Variants in RIMS2 observed in about 807,000 individuals in gnomAD.
RIMS2 encodes the protein regulating synaptic membrane exocytosis 2.
A neutral mutation model predicts 174.4 loss-of-function variants in RIMS2; 59 were observed. That is an observed-to-expected ratio of 0.34 (90% confidence interval 0.27 to 0.42). RIMS2 has a LOEUF of 0.42. Ranked by LOEUF, RIMS2 falls within the 10% of genes least tolerant of loss-of-function variation. The pLI is 1.00. For missense variants in RIMS2, 1,620 were observed against 1,666.3 expected, an observed-to-expected ratio of 0.97 and a Z score of 0.48; for synonymous variants, 606 against 572.5, an observed-to-expected ratio of 1.06 and a Z score of -0.84.
intron 3 of RIMS2, among the ~76,000 whole-genome samples, chr8:103,884,499 C>T (rs2099188283): frequency 6.6e-6 from 1 of 151,662 alleles, no homozygotes; most frequent in East Asian, 2.0e-4. Context: ...TAGGTTTTAC[C>T]AGTGTTAGAA....
intron 19 of RIMS2, among the ~76,000 whole-genome samples, chr8:104,234,668 G>GA (rs1197684706): frequency 2.0e-5 from 3 of 152,020 alleles, no homozygotes; most frequent in Non-Finnish European, 4.4e-5. Flanking sequence ...TACTTTTATG[G>GA]AAAAAAATAT....
At chr8:103,619,109 A>C (rs1181417284) in intron 1 of RIMS2, among the ~76,000 whole-genome samples, 1 of 148,654 alleles carries the variant, frequency 6.7e-6, no homozygotes, top group Non-Finnish European at 1.5e-5. Context: ...AAAAAAAAAA[A>C]AACCAATATG....
intron 1 of RIMS2, among the ~76,000 whole-genome samples, chr8:103,570,079 A>G (rs1162416613): frequency 6.6e-6 from 1 of 152,216 alleles, no homozygotes; most frequent in Non-Finnish European, 1.5e-5. Context: ...CTTTTGTCAA[A>G]TATCACGTGT....
intron 3 of RIMS2, among the ~76,000 whole-genome samples, chr8:103,822,275 A>G (rs1466437340): frequency 6.6e-6 from 1 of 151,782 alleles, no homozygotes; most frequent in African/African-American, 2.4e-5. Flanking sequence ...AACTTTCATT[A>G]GGATTTTAGA....
chr8:104,160,138 C>CA (rs11418172), intron 19 of RIMS2, among the ~76,000 whole-genome samples: 27,779 of 139,722 alleles, frequency 0.2, 3,942 homozygotes, highest in East Asian at 0.59. Context: ...GACTCCATCT[C>CA]AAAAAAAAAA....
At chr8:103,528,643 T>C (rs1586848704) in intron 1 of RIMS2, among the ~76,000 whole-genome samples, 1 of 152,206 alleles carries the variant, frequency 6.6e-6, no homozygotes, top group Admixed American at 6.5e-5. Flanking sequence ...ATTTATTAAA[T>C]AGGGAATCCT....
intron 1 of RIMS2, chr8:103,568,917 G>A: frequency 1.0e-6 from 1 of 965,938 alleles, no homozygotes; most frequent in Non-Finnish European, 1.6e-6. Context: ...CAACACATCA[G>A]TGGCATTGCA....
chr8:103,712,451 G>T (rs1272121166), intron 2 of RIMS2, among the ~76,000 whole-genome samples: 2 of 152,118 alleles, frequency 1.3e-5, no homozygotes, highest in Non-Finnish European at 1.5e-5. Context: ...ATCTACATAT[G>T]AAAGCTGCTT....
chr8:104,232,513 T>C (rs1003928351), intron 19 of RIMS2, among the ~76,000 whole-genome samples: 10 of 152,228 alleles, frequency 6.6e-5, no homozygotes, highest in African/African-American at 2.4e-4. Context: ...GGATAGGTCA[T>C]AGAATCTCTA....
intron 2 of RIMS2, among the ~76,000 whole-genome samples, chr8:103,750,862 C>T (rs1041687721): frequency 2.0e-5 from 3 of 152,068 alleles, no homozygotes; most frequent in Admixed American, 1.3e-4. Flanking sequence ...AATTACCCAG[C>T]GATATGCTTT....
At chr8:103,658,697 C>G (rs1313250670) in intron 1 of RIMS2, among the ~76,000 whole-genome samples, 1 of 152,158 alleles carries the variant, frequency 6.6e-6, no homozygotes, top group African/African-American at 2.4e-5. Context: ...AATGGAAGTG[C>G]TAATTATTAG....
chr8:104,198,337 T>TA (rs2099036397), intron 19 of RIMS2, among the ~76,000 whole-genome samples: 4 of 152,228 alleles, frequency 2.6e-5, no homozygotes, highest in African/African-American at 9.6e-5. Context: ...GTGCCCCTGT[T>TA]ATGGTGAAGA....
chr8:103,786,445 C>G (rs202038005), intron 3 of RIMS2, among the ~76,000 whole-genome samples: 21 of 151,738 alleles, frequency 1.4e-4, no homozygotes, highest in African/African-American at 4.4e-4. Context: ...GCTTTGAATG[C>G]GTCCCAGAGA....
intron 3 of RIMS2, among the ~76,000 whole-genome samples, chr8:103,877,785 T>G (rs1038007644): frequency 6.6e-6 from 1 of 151,776 alleles, no homozygotes; most frequent in Non-Finnish European, 1.5e-5. Flanking sequence ...TGCTGATACT[T>G]TAATAGGAAT....
At chr8:103,559,403 C>T in intron 1 of RIMS2, 1 of 353,734 alleles carries the variant, frequency 2.8e-6, no homozygotes. Flanking sequence ...GTGGAGCATG[C>T]CAGTGATCCG....
chr8:103,968,974 AG>A (rs933398277), intron 15 of RIMS2, among the ~76,000 whole-genome samples: 3 of 152,134 alleles, frequency 2.0e-5, no homozygotes, highest in African/African-American at 4.8e-5. Context: ...ATAATTTCAC[AG>A]GTCCTAGGAT....
chr8:103,864,394 A>C (rs1302665164), intron 3 of RIMS2, among the ~76,000 whole-genome samples: 1 of 152,058 alleles, frequency 6.6e-6, no homozygotes, highest in Non-Finnish European at 1.5e-5. Flanking sequence ...CATTTTTCTC[A>C]AAAAGTTGAT....
intron 1 of RIMS2, among the ~76,000 whole-genome samples, chr8:103,583,600 A>T (rs952544809): frequency 6.6e-6 from 1 of 152,226 alleles, no homozygotes; most frequent in Non-Finnish European, 1.5e-5. Context: ...GATTGCAATA[A>T]TTAAAAAGAA....
At chr8:103,982,284 C>G (rs1596338813) in intron 16 of RIMS2, among the ~76,000 whole-genome samples, 1 of 151,960 alleles carries the variant, frequency 6.6e-6, no homozygotes, top group Non-Finnish European at 1.5e-5. Flanking sequence ...AGCCTGAACC[C>G]AATGGCTTCA....
Sources: allele counts gnomAD v4.1 joint callset (sites outside exome capture counted in the v4.1 genomes callset), GRCh38; gene constraint gnomAD v4.1.1; transcripts MANE v1.5; gene names NCBI Gene and HGNC (gene_info 2026-07-23, HGNC 2026-07-21).